The following EMILIN2 variants were observed in gnomAD, a reference collection of about 807,000 sequenced individuals.
EMILIN2 encodes the protein elastin microfibril interfacer 2, also known as EMILIN-2.
Under a neutral mutation model 87.1 loss-of-function variants are expected in EMILIN2, and 71 were observed. That is an observed-to-expected ratio of 0.82 (90% CI 0.67 to 0.99). EMILIN2 has a LOEUF of 0.99. Ranked by LOEUF, EMILIN2 falls within the 50% of genes least tolerant of loss-of-function variation. The pLI is 0.00. For synonymous variants in EMILIN2, 581 were observed against 563.4 expected, an observed-to-expected ratio of 1.03 and a Z score of -0.44; for missense variants, 1,407 against 1,371.8, an observed-to-expected ratio of 1.03 and a Z score of -0.40.
At chr18:2,910,333 G>C (rs1388318715) in intron 7 of EMILIN2, among the ~76,000 whole-genome samples, 3 of 152,208 alleles carry the variant, frequency 2.0e-5, no homozygotes, top group Non-Finnish European at 4.4e-5. Flanking sequence ...TCAGCTGGGA[G>C]CCTGAGTCTT....
intron 2 of EMILIN2, among the ~76,000 whole-genome samples, chr18:2,883,325 T>C (rs141100787): frequency 6.6e-6 from 1 of 152,272 alleles, no homozygotes; most frequent in Non-Finnish European, 1.5e-5. Flanking sequence ...GTTGCTTTGC[T>C]GGGTAACCCC....
intron 7 of EMILIN2, 40 bp from the exon 8 acceptor site, chr18:2,913,024 TGAC>T (rs1161391875): frequency 6.3e-7 from 1 of 1,595,790 alleles, no homozygotes; most frequent in Non-Finnish European, 8.5e-7. Context: ...GCAAGGGCTG[TGAC>T]GACAGCAGGT....
At chr18:2,887,566 C>A (rs1054568766) in intron 3 of EMILIN2, among the ~76,000 whole-genome samples, 7 of 152,110 alleles carry the variant, frequency 4.6e-5, no homozygotes, top group South Asian at 2.1e-4. Flanking sequence ...CCTCTCGCTC[C>A]CTCTCTTACC....
At position 2,891,091 on chromosome 18, in the gene EMILIN2, A is replaced by T; in HGVS notation, c.964A>T (p.Ile322Phe). Residue 322 changes from isoleucine (I) to phenylalanine (F), a missense_variant, in exon 4 of 8, where the codon ATC (isoleucine) becomes TTC (phenylalanine). Physicochemically the swap from Ile to Phe is conservative, Grantham distance 21. Transcript: ENST00000254528. This position sits in a 1 kb window ranked among gnomAD's most constrained non-coding sequence, Gnocchi z 4.6. ...ELYQAYVDSK[I>F]DALREELMEG... ...CTACCAAGCCTATGTGGACAGTAAG[A>T]TCGACGCCCTGAGAGAGGAGCTCAT... The T allele has an allele frequency of 6.2e-6, 10 of 1,614,202 alleles. No individual in the cohort carries two copies. Among genetic ancestry groups the T allele is most frequent in the Non-Finnish European group, 8.5e-6 (10 of 1,180,044 alleles).
At chr18:2,889,133 C>CTTTTTTTTTTTTTTTTTTTTTTTTTTTTT (rs772439545) in intron 3 of EMILIN2, among the ~76,000 whole-genome samples, 1 of 84,354 alleles carries the variant, frequency 1.2e-5, no homozygotes, top group African/African-American at 4.9e-5. Context: ...TCTTTCTTTT[C>CTTTTTTTTTTTTTTTTTTTTTTTTTTTTT]TTTTTTTTTT....
chr18:2,909,936 C>G (rs1193951356), intron 7 of EMILIN2, 117 bp downstream of exon 7: 13 of 1,425,610 alleles, frequency 9.1e-6, no homozygotes, highest in Non-Finnish European at 1.2e-5. Context: ...GGACGCCACC[C>G]TGGAGCAGAT....
At chr18:2,869,735 A>G (rs1173299265) in intron 2 of EMILIN2, among the ~76,000 whole-genome samples, 2 of 150,940 alleles carry the variant, frequency 1.3e-5, no homozygotes, top group African/African-American at 4.9e-5. Context: ...ACCTGGCTGT[A>G]GTTGATTACT....
chr18:2,909,550 T>C, intron 6 of EMILIN2, 141 bp from the exon 7 acceptor site: 1 of 1,026,396 alleles, frequency 9.7e-7, no homozygotes, highest in Non-Finnish European at 1.4e-6. Context: ...CTGTTGGGCA[T>C]GAGGAGTTTG....
chr18:2,887,466 C>T (rs977075265), intron 3 of EMILIN2, among the ~76,000 whole-genome samples: 15 of 141,764 alleles, frequency 1.1e-4, no homozygotes, highest in African/African-American at 3.5e-4. Context: ...TTGGTACCCT[C>T]CTTGCGGTAA....
intron 7 of EMILIN2, among the ~76,000 whole-genome samples, chr18:2,911,034 A>C (rs1208532846): frequency 3.9e-5 from 6 of 152,216 alleles, no homozygotes; most frequent in African/African-American, 1.4e-4. Flanking sequence ...GAATCCATAC[A>C]GGCCTCAATG....
At chr18:2,869,872 T>C (rs1391984743) in intron 2 of EMILIN2, among the ~76,000 whole-genome samples, 1 of 151,974 alleles carries the variant, frequency 6.6e-6, no homozygotes, top group Non-Finnish European at 1.5e-5. Flanking sequence ...AAAATAACTT[T>C]TACTGATAGT....
intron 3 of EMILIN2, among the ~76,000 whole-genome samples, chr18:2,886,914 G>A (rs1278093179): frequency 5.3e-5 from 8 of 152,012 alleles, no homozygotes; most frequent in South Asian, 2.1e-4. Flanking sequence ...CTACCTGGAC[G>A]GGACATCCTC....
chr18:2,914,256 G>T lies in EMILIN2; in HGVS notation c.*852G>T, dbSNP rs532557364. 5 of 152,342 alleles carry T rather than the reference G, an allele frequency of 3.3e-5. No homozygotes were observed. The South Asian group carries it at 1.0e-3, about 32-fold the overall frequency. The allele number at this position is 152,342 out of a possible 1,614,324, so 9.4% of individuals were successfully genotyped here. Reference sequence around the variant, plus strand: ...TACACTTGGGTTTTGTTTCTGGCTTGTGAAGACGGACCAGATGTGCACGGA... The same window carrying T: ...TACACTTGGGTTTTGTTTCTGGCTTTTGAAGACGGACCAGATGTGCACGGA... On this transcript the variant is annotated 3_prime_UTR_variant, in exon 8 of 8. Transcript: ENST00000254528.
chr18:2,904,273 A>G (rs2076900180), intron 4 of EMILIN2, among the ~76,000 whole-genome samples: 1 of 152,130 alleles, frequency 6.6e-6, no homozygotes, highest in Admixed American at 6.5e-5. Flanking sequence ...AGTGTTCTGA[A>G]TGTGGCTTGG....
chr18:2,912,323 G>A (rs1439210677), intron 7 of EMILIN2, among the ~76,000 whole-genome samples: 1 of 152,066 alleles, frequency 6.6e-6, no homozygotes. Context: ...TTACAGGCGT[G>A]AGCCACCACG....
chr18:2,911,776 A>C (rs368514927), intron 7 of EMILIN2, among the ~76,000 whole-genome samples: 1 of 152,314 alleles, frequency 6.6e-6, no homozygotes, highest in South Asian at 2.1e-4. Flanking sequence ...TCCCAGAGCT[A>C]TCTCTTGTCT....
intron 4 of EMILIN2, among the ~76,000 whole-genome samples, chr18:2,893,730 C>G (rs1380373453): frequency 6.6e-6 from 1 of 152,202 alleles, no homozygotes; most frequent in African/African-American, 2.4e-5. Context: ...ATGTACAGCA[C>G]TGGCTTGGTC....
chr18:2,896,238 T>A (rs1013232985), intron 4 of EMILIN2, among the ~76,000 whole-genome samples: 3 of 152,090 alleles, frequency 2.0e-5, no homozygotes. Flanking sequence ...TGCAGTGGCG[T>A]GATCTTGGCT....
chr18:2,859,603 G>T (rs1437386344), intron 2 of EMILIN2, among the ~76,000 whole-genome samples: 1 of 152,082 alleles, frequency 6.6e-6, no homozygotes, highest in Non-Finnish European at 1.5e-5. Flanking sequence ...CTTTGTTTTT[G>T]TTGCATGTGC....
Sources: gnomAD v4.1 joint callset for allele counts (sites outside exome capture counted in the v4.1 genomes callset) on GRCh38, gnomAD v4.1.1 for gene constraint, Gnocchi (gnomAD v3.1) non-coding constraint, MANE v1.5 for transcripts, NCBI Gene and HGNC (gene_info 2026-07-23, HGNC 2026-07-21) for gene names.